Variants in CAMK1D observed in about 807,000 individuals in gnomAD.
CAMK1D encodes calcium/calmodulin dependent protein kinase ID, also known as calcium/calmodulin-dependent protein kinase type 1D.
A neutral mutation model predicts 47.7 loss-of-function variants in CAMK1D; 9 were observed. The observed-to-expected ratio is 0.19, with a 90% CI of 0.11 to 0.33. CAMK1D has a LOEUF of 0.33. Ranked by LOEUF, CAMK1D falls within the 10% of genes least tolerant of loss-of-function variation. CAMK1D has a pLI of 1.00. For missense variants in CAMK1D, 291 were observed against 488.7 expected, an observed-to-expected ratio of 0.60 and a Z score of 3.81; for synonymous variants, 184 against 184.9, an observed-to-expected ratio of 0.99 and a Z score of 0.04.
intron 3 of CAMK1D, among the ~76,000 whole-genome samples, chr10:12,711,170 A>G (rs529979381): frequency 6.6e-6 from 1 of 152,304 alleles, no homozygotes; most frequent in Admixed American, 6.5e-5. Context: ...TAAAAGCAAA[A>G]GAGAAAACCG....
chr10:12,446,179 AG>A (rs1832920097), intron 1 of CAMK1D, among the ~76,000 whole-genome samples: 1 of 152,226 alleles, frequency 6.6e-6, no homozygotes, highest in South Asian at 2.1e-4. Context: ...GCAAGTCCAC[AG>A]AGTAAAGTGC....
intron 1 of CAMK1D, among the ~76,000 whole-genome samples, chr10:12,517,724 G>A (rs1169547932): frequency 1.5e-5 from 2 of 132,620 alleles, no homozygotes; most frequent in South Asian, 2.9e-4. Flanking sequence ...TGCATATCAC[G>A]TAGTTGTGGT....
At chr10:12,456,182 A>C (rs750435509) in intron 1 of CAMK1D, among the ~76,000 whole-genome samples, 2 of 152,242 alleles carry the variant, frequency 1.3e-5, no homozygotes, top group African/African-American at 2.4e-5. Context: ...GGATCCCCTG[A>C]ATTGGAATGA....
intron 1 of CAMK1D, among the ~76,000 whole-genome samples, chr10:12,457,211 T>G (rs1833277368): frequency 6.6e-6 from 1 of 151,876 alleles, no homozygotes; most frequent in Non-Finnish European, 1.5e-5. Context: ...ACCAACATGG[T>G]GAAAGCCTGT....
At chr10:12,659,954 A>G (rs575953198) in intron 2 of CAMK1D, among the ~76,000 whole-genome samples, 8 of 152,146 alleles carry the variant, frequency 5.3e-5, no homozygotes, top group Non-Finnish European at 1.0e-4. Flanking sequence ...CTCCTTGCAC[A>G]TTGCAGGGCA....
rs990013858 is a variant in CAMK1D, at chr10:12,483,455, C to T, written c.93-69770C>T. 3.3e-5 allele frequency among the ~76,000 whole-genome samples: 5 copies of T among 152,248 alleles called. No homozygotes were observed. In the South Asian group the frequency reaches 6.2e-4, roughly 19 times the overall value. ...GGCTCAAGCAATCTGCCCGCCTTTGCGTCCCAAAGTGCTGGGATTACAGCA... is the reference window on the plus strand; with the variant it reads ...GGCTCAAGCAATCTGCCCGCCTTTGTGTCCCAAAGTGCTGGGATTACAGCA... On this transcript the variant is annotated intron_variant, in intron 1 of 10. Coordinates refer to ENST00000619168, the MANE Select transcript of CAMK1D (RefSeq NM_153498.4).
At chr10:12,719,978 T>G (rs535399165) in intron 3 of CAMK1D, among the ~76,000 whole-genome samples, 130 of 152,340 alleles carry the variant, frequency 8.5e-4, no homozygotes, top group Non-Finnish European at 1.7e-3. Context: ...GGGCCCTGCC[T>G]TCTGAGATGC....
chr10:12,491,146 A>AGTGTGTGT (rs142610378), intron 1 of CAMK1D, among the ~76,000 whole-genome samples: 9 of 127,876 alleles, frequency 7.0e-5, no homozygotes, highest in Admixed American at 5.4e-4. Context: ...AGGGTATGAG[A>AGTGTGTGT]GTATGTGTGT....
intron 2 of CAMK1D, among the ~76,000 whole-genome samples, chr10:12,603,640 C>T (rs1332445158): frequency 1.3e-5 from 2 of 152,146 alleles, no homozygotes; most frequent in Non-Finnish European, 2.9e-5. Context: ...AGTCAGCCCG[C>T]GGCTGGATTA....
chr10:12,463,964 T>C (rs2132059881), intron 1 of CAMK1D, among the ~76,000 whole-genome samples: 1 of 152,296 alleles, frequency 6.6e-6, no homozygotes, highest in South Asian at 2.1e-4. Flanking sequence ...CCTTCTGCCT[T>C]GCTTCCTTCC....
At chr10:12,472,788 C>G (rs1460435762) in intron 1 of CAMK1D, among the ~76,000 whole-genome samples, 1 of 152,194 alleles carries the variant, frequency 6.6e-6, no homozygotes, top group Non-Finnish European at 1.5e-5. Flanking sequence ...TCCCAAAGTG[C>G]TGGGATTACA....
chr10:12,801,188 A>G (rs116607347), intron 6 of CAMK1D, among the ~76,000 whole-genome samples: 1,801 of 151,998 alleles, frequency 0.012, 39 homozygotes, highest in African/African-American at 0.041. Context: ...AATGATCACT[A>G]TGTCACTGGA....
At chr10:12,425,425 ACGTG>A (rs1840198111) in intron 1 of CAMK1D, among the ~76,000 whole-genome samples, 1 of 151,514 alleles carries the variant, frequency 6.6e-6, no homozygotes, top group African/African-American at 2.4e-5. Flanking sequence ...GAGACTATAC[ACGTG>A]TGCCACCACG....
At chr10:12,691,589 C>T (rs1170341374) in intron 3 of CAMK1D, among the ~76,000 whole-genome samples, 6 of 151,084 alleles carry the variant, frequency 4.0e-5, no homozygotes, top group Non-Finnish European at 8.8e-5. Flanking sequence ...CCCACCAGCA[C>T]GTCCAGCTCA....
chr10:12,498,148 A>G (rs558743146), intron 1 of CAMK1D, among the ~76,000 whole-genome samples: 1 of 152,354 alleles, frequency 6.6e-6, no homozygotes, highest in East Asian at 1.9e-4. Context: ...CTATAATTCA[A>G]GATGAGATTT....
intron 6 of CAMK1D, among the ~76,000 whole-genome samples, chr10:12,795,026 A>G (rs1838135471): frequency 6.6e-6 from 1 of 152,144 alleles, no homozygotes; most frequent in Admixed American, 6.5e-5. Flanking sequence ...GTAATCAATA[A>G]ATGCTGGTTG....
At chr10:12,755,059 T>C (rs1390026223) in intron 3 of CAMK1D, among the ~76,000 whole-genome samples, 1 of 152,204 alleles carries the variant, frequency 6.6e-6, no homozygotes, top group Non-Finnish European at 1.5e-5. Context: ...GGCGTGTGTT[T>C]ATATTTTGGA....
At position 12,463,211 on chromosome 10, in the gene CAMK1D, C is replaced by T. The variant is rs140724744; in HGVS notation, c.93-90014C>T. Among the ~76,000 whole-genome samples the T allele has an allele frequency of 6.1e-3, 913 of 150,450 alleles. 14 individuals carry two copies. Among genetic ancestry groups the T allele is most frequent in the African/African-American group, 0.021 (864 of 40,920 alleles). On this transcript the variant is annotated intron_variant, in intron 1 of 10. Transcript: ENST00000619168. ...AGAGAGCAATGGCGTGATCTTGGCT[C>T]ACTGCAACCTCTGCCTCCCGTGTTC...
intron 1 of CAMK1D, among the ~76,000 whole-genome samples, chr10:12,368,210 A>AAAAAAAT (rs1554760140): frequency 2.0e-5 from 3 of 150,354 alleles, no homozygotes; most frequent in Non-Finnish European, 4.4e-5. Context: ...AAAAAAAAAA[A>AAAAAAAT]AAAATAAAAT....
Sources: allele counts gnomAD v4.1 joint callset (sites outside exome capture counted in the v4.1 genomes callset), GRCh38; gene constraint gnomAD v4.1.1; transcripts MANE v1.5; gene names NCBI Gene and HGNC (gene_info 2026-07-23, HGNC 2026-07-21).